The following CNTNAP2 variants were observed in gnomAD, a reference collection of about 807,000 sequenced individuals.
CNTNAP2 encodes contactin associated protein 2.
In CNTNAP2, 98 loss-of-function variants were observed where a neutral mutation model predicts 155.2. That is an observed-to-expected ratio of 0.63 (90% CI 0.54 to 0.75). The LOEUF (loss-of-function observed/expected upper bound fraction) is 0.75, where lower values mean the gene tolerates loss of function less well. Ranked by LOEUF, CNTNAP2 falls within the 30% of genes least tolerant of loss-of-function variation. CNTNAP2 has a pLI of 0.00. For synonymous variants in CNTNAP2, 651 were observed against 631.2 expected (o/e 1.03, Z -0.47); for missense variants, 1,727 against 1,688.1 (o/e 1.02, Z -0.40).
chr7:147,596,893 C>T (rs10952701), intron 12 of CNTNAP2, among the ~76,000 whole-genome samples: 1 of 152,070 alleles, frequency 6.6e-6, no homozygotes, highest in African/African-American at 2.4e-5. Context: ...GACCTCTAGT[C>T]GTCTTCATTG....
At position 148,093,531 on chromosome 7, in the gene CNTNAP2, T is replaced by G. The variant is rs546409636; in HGVS notation, c.2384-24587T>G. On this transcript the variant is annotated intron_variant, in intron 15 of 23. Transcript: ENST00000361727. ...CTCAGTCATTAACAGCTAATACACTTGAAAGATTGTTAGCAGAAAAAGGAA... is the reference window on the plus strand; with the variant it reads ...CTCAGTCATTAACAGCTAATACACTGGAAAGATTGTTAGCAGAAAAAGGAA... Among the ~76,000 whole-genome samples, 5 of 152,282 alleles carry G rather than the reference T, an allele frequency of 3.3e-5. No homozygotes were observed. The South Asian group carries it at 8.3e-4, about 25-fold the overall frequency.
chr7:146,303,567 A>G (rs1041921306), intron 1 of CNTNAP2, among the ~76,000 whole-genome samples: 1 of 152,086 alleles, frequency 6.6e-6, no homozygotes, highest in African/African-American at 2.4e-5. Flanking sequence ...GTTTCCATGT[A>G]GTTGAGCAGT....
intron 20 of CNTNAP2, among the ~76,000 whole-genome samples, chr7:148,235,538 A>C (rs1370874680): frequency 6.6e-6 from 1 of 151,964 alleles, no homozygotes; most frequent in Non-Finnish European, 1.5e-5. Context: ...TGCTTCCCCA[A>C]CCCTGGATTA....
intron 2 of CNTNAP2, among the ~76,000 whole-genome samples, chr7:146,798,908 C>A (rs1802819109): frequency 6.6e-6 from 1 of 151,928 alleles, no homozygotes; most frequent in Non-Finnish European, 1.5e-5. Context: ...CATATTTGTA[C>A]AGCTGCAAAA....
chr7:147,019,917 AATGT>A (rs1227574079), intron 3 of CNTNAP2, among the ~76,000 whole-genome samples: 1 of 152,134 alleles, frequency 6.6e-6, no homozygotes, highest in Non-Finnish European at 1.5e-5. Flanking sequence ...AGTGGACAGA[AATGT>A]CCTGGCTATA....
At chr7:146,310,729 G>A (rs1272521900) in intron 1 of CNTNAP2, among the ~76,000 whole-genome samples, 1 of 152,060 alleles carries the variant, frequency 6.6e-6, no homozygotes, top group Non-Finnish European at 1.5e-5. Flanking sequence ...AGATAGCAGT[G>A]ATATTCACGG....
At chr7:147,714,016 T>TC (rs980335217) in intron 13 of CNTNAP2, among the ~76,000 whole-genome samples, 5 of 152,170 alleles carry the variant, frequency 3.3e-5, no homozygotes, top group African/African-American at 9.7e-5. Context: ...GCCATTTGCA[T>TC]CCCATTACTA....
At chr7:147,597,942 C>T (rs1439261489) in intron 12 of CNTNAP2, among the ~76,000 whole-genome samples, 1 of 152,202 alleles carries the variant, frequency 6.6e-6, no homozygotes, top group East Asian at 1.9e-4. Context: ...ATGCTCAGTA[C>T]TTTCAATCCT....
chr7:147,878,401 A>C (rs1421784000), intron 13 of CNTNAP2, among the ~76,000 whole-genome samples: 1 of 150,006 alleles, frequency 6.7e-6, no homozygotes, highest in Non-Finnish European at 1.5e-5. Context: ...TGACTTTGCT[A>C]ATTACTTATG....
At chr7:147,767,755 A>G (rs1400210925) in intron 13 of CNTNAP2, among the ~76,000 whole-genome samples, 2 of 152,068 alleles carry the variant, frequency 1.3e-5, no homozygotes, top group East Asian at 3.9e-4. Context: ...TTCATGTGAG[A>G]AAGAATTGGT....
intron 18 of CNTNAP2, among the ~76,000 whole-genome samples, chr7:148,179,451 C>T (rs1794997296): frequency 6.6e-6 from 1 of 151,412 alleles, no homozygotes; most frequent in African/African-American, 2.4e-5. Context: ...AGGCTTCAAT[C>T]AGCCGAGATT....
At chr7:147,141,407 T>C (rs1801594609) in intron 8 of CNTNAP2, among the ~76,000 whole-genome samples, 1 of 152,176 alleles carries the variant, frequency 6.6e-6, no homozygotes, top group Non-Finnish European at 1.5e-5. Context: ...TGGAGCCAGA[T>C]TGCCTACTGG....
At chr7:146,340,420 A>T (rs1801362036) in intron 1 of CNTNAP2, among the ~76,000 whole-genome samples, 1 of 151,346 alleles carries the variant, frequency 6.6e-6, no homozygotes, top group South Asian at 2.1e-4. Context: ...TCATGACCTT[A>T]TTCTTATAAT....
intron 13 of CNTNAP2, among the ~76,000 whole-genome samples, chr7:147,788,900 CTT>C (rs11440955): frequency 9.9e-6 from 1 of 100,744 alleles, no homozygotes. Context: ...TTTTCTTTTT[CTT>C]TTTTTTTTTT....
chr7:146,536,254 C>T (rs946198471), intron 1 of CNTNAP2, among the ~76,000 whole-genome samples: 1 of 152,018 alleles, frequency 6.6e-6, no homozygotes, highest in Non-Finnish European at 1.5e-5. Flanking sequence ...TTTCTTTCTG[C>T]AATTGTTCAC....
chr7:147,699,295 T>C (rs10266023), intron 13 of CNTNAP2, among the ~76,000 whole-genome samples: 2,343 of 151,308 alleles, frequency 0.015, 57 homozygotes, highest in African/African-American at 0.054. Flanking sequence ...TTCATGTCCT[T>C]TGCAGGGACA....
chr7:147,684,115 G>A (rs1211005110), intron 13 of CNTNAP2, among the ~76,000 whole-genome samples: 1 of 151,690 alleles, frequency 6.6e-6, no homozygotes, highest in Admixed American at 6.6e-5. Flanking sequence ...TTCAACTACC[G>A]TGACTTTAAA....
At chr7:146,749,132 A>G (rs974874102) in intron 1 of CNTNAP2, among the ~76,000 whole-genome samples, 1 of 152,184 alleles carries the variant, frequency 6.6e-6, no homozygotes, top group Non-Finnish European at 1.5e-5. Flanking sequence ...ATACATATAT[A>G]CATAGGTATA....
chr7:147,236,694 C>CAACA (rs747397946), intron 8 of CNTNAP2, among the ~76,000 whole-genome samples: 2 of 151,950 alleles, frequency 1.3e-5, no homozygotes, highest in Non-Finnish European at 2.9e-5. Flanking sequence ...GGGGCACTGC[C>CAACA]AACAATCTAG....
Sources: allele counts gnomAD v4.1 joint callset (sites outside exome capture counted in the v4.1 genomes callset), GRCh38; gene constraint gnomAD v4.1.1; transcripts MANE v1.5; gene names NCBI Gene and HGNC (gene_info 2026-07-23, HGNC 2026-07-21).